ROR1: variants seen among roughly 807,000 people sequenced by gnomAD.
ROR1 encodes the protein inactive tyrosine-protein kinase transmembrane receptor ROR1.
ROR1 carries 19 observed loss-of-function variants against 78.8 expected under a neutral mutation model. That is an observed-to-expected ratio of 0.24 (90% CI 0.17 to 0.35). The LOEUF (loss-of-function observed/expected upper bound fraction) is 0.35. Among genes scored for constraint, ROR1 ranks in the 10% least tolerant of loss-of-function variants. The pLI is 1.00. For missense variants in ROR1, 917 were observed against 1,177.8 expected, an observed-to-expected ratio of 0.78 and a Z score of 3.24; for synonymous variants, 386 against 433.6, an observed-to-expected ratio of 0.89 and a Z score of 1.36.
intron 1 of ROR1, among the ~76,000 whole-genome samples, chr1:63,994,223 A>G (rs140932395): frequency 6.6e-6 from 1 of 152,048 alleles, no homozygotes; most frequent in East Asian, 1.9e-4. Context: ...TCTGATTGGT[A>G]GGAAATTTTG....
intron 4 of ROR1, among the ~76,000 whole-genome samples, chr1:64,130,258 GC>G (rs1648866644): frequency 6.6e-6 from 1 of 152,116 alleles, no homozygotes; most frequent in African/African-American, 2.4e-5. Context: ...TGAGTCGTTG[GC>G]CCTCTGGGTT....
At chr1:63,962,856 A>G (rs1366630553) in intron 1 of ROR1, among the ~76,000 whole-genome samples, 1 of 152,184 alleles carries the variant, frequency 6.6e-6, no homozygotes, top group Non-Finnish European at 1.5e-5. Flanking sequence ...CCGACTGGTA[A>G]CTGCGTGAAG....
chr1:63,838,980 G>C (rs1201982769), intron 1 of ROR1, among the ~76,000 whole-genome samples: 1 of 152,120 alleles, frequency 6.6e-6, no homozygotes, highest in Non-Finnish European at 1.5e-5. Context: ...GGAGCAATAG[G>C]CCATATCATA....
At chr1:64,016,733 T>TATATATATATATATATATA (rs1553151713) in intron 2 of ROR1, among the ~76,000 whole-genome samples, 7 of 140,576 alleles carry the variant, frequency 5.0e-5, no homozygotes, top group African/African-American at 1.8e-4. Context: ...TAAAATATAA[T>TATATATATATATATATATA]TATATATATA....
Position 63,787,476 on chromosome 1 carries a change from T to TTCCTGCCTTCCTG in ROR1, c.91+12968_91+12969insTCCTGCCTTCCTG, listed in dbSNP as rs1644696544. ...TTCCTTCCTTCCTTCCTTCCTTCCT[T>TTCCTGCCTTCCTG]CCTTCCTGCCTTCCTGCCTTCCTGA... On this transcript the variant is annotated intron_variant, in intron 1 of 8. Transcript: ENST00000371079. Among the ~76,000 whole-genome samples, 133 of 132,548 alleles carry TTCCTGCCTTCCTG rather than the reference T, an allele frequency of 1.0e-3. 1 individual carries two copies. The highest frequency in any genetic ancestry group is 3.8e-3 in the African/African-American group (124 of 33,008). The allele number at this position is 132,548 out of a possible 152,430, so 87.0% of individuals were successfully genotyped here.
rs1649856047 is a variant in ROR1 at position 64,158,999 on chromosome 1, A to G, written c.1193A>G (p.Glu398Gly). ...IPACDSKDSK[E>G]KNKMEILYIL... ...CACCCAGATTCAAAGGATTCCAAGG[A>G]GAAGAATAAAATGGAAATCCTGTAC... The change falls in exon 8 of 9, where the codon GAG becomes GGG. Residue 398 changes from glutamate to glycine, a missense_variant. Around this residue, in one of 3 missense-constraint regions of ROR1, gnomAD observed 835 missense variants for 1,069.8 expected, o/e 0.78. Coordinates refer to ENST00000371079, the MANE Select transcript of ROR1 (RefSeq NM_005012.4). 1.9e-6 allele frequency: 3 copies of G among 1,614,022 alleles called. No individual in the cohort carries two copies. The highest frequency in any genetic ancestry group is 2.5e-6 in the Non-Finnish European group (3 of 1,179,900).
chr1:64,007,198 C>G lies in ROR1; in HGVS notation c.92-2107C>G, dbSNP rs139403838. 2.9e-4 allele frequency among the ~76,000 whole-genome samples: 44 copies of G among 152,272 alleles called. 1 individual carries two copies. Among genetic ancestry groups the G allele is most frequent in the Admixed American group, 1.1e-3 (17 of 15,292 alleles). On this transcript the variant is annotated intron_variant, in intron 1 of 8. Coordinates refer to ENST00000371079, the MANE Select transcript of ROR1 (RefSeq NM_005012.4). ...CAATTTTTAGTGGCTACCTAGAGCA[C>G]TGTGCTTAAAGGACTCTACGACAGA...
chr1:63,879,789 A>G (rs1360105991), intron 1 of ROR1, among the ~76,000 whole-genome samples: 2 of 152,174 alleles, frequency 1.3e-5, no homozygotes, highest in East Asian at 3.9e-4. Flanking sequence ...AGAGAACAAG[A>G]AGTACCAGCA....
Position 64,123,642 on chromosome 1 carries a change from A to G in ROR1, c.483-13727A>G, listed in dbSNP as rs1200724577. Among the ~76,000 whole-genome samples the G allele has an allele frequency of 2.0e-5, 3 of 151,880 alleles. No homozygotes were observed. The East Asian group carries it at 5.8e-4, about 29-fold the overall frequency. On this transcript the variant is annotated intron_variant, in intron 4 of 8. Coordinates refer to ENST00000371079, the MANE Select transcript of ROR1 (RefSeq NM_005012.4). ...ACAAAAGTTTTACAAAGGTGAACATATGAAAAAGATGTTTAACTTTACTAA... is the reference window on the plus strand; with the variant it reads ...ACAAAAGTTTTACAAAGGTGAACATGTGAAAAAGATGTTTAACTTTACTAA...
At chr1:63,901,732 G>A (rs562610904) in intron 1 of ROR1, among the ~76,000 whole-genome samples, 2 of 151,810 alleles carry the variant, frequency 1.3e-5, no homozygotes, top group South Asian at 4.2e-4. Context: ...CTGGGGTCCA[G>A]CATAACCTAT....
At position 63,810,682 on chromosome 1, in the gene ROR1, A is replaced by G. The variant is rs1371209225; in HGVS notation, c.91+36174A>G. Among the ~76,000 whole-genome samples, 3 of 152,240 alleles carry G rather than the reference A, an allele frequency of 2.0e-5. No homozygotes were observed. The East Asian group carries it at 5.8e-4, about 29-fold the overall frequency. On this transcript the variant is annotated intron_variant, in intron 1 of 8. Transcript: ENST00000371079. ...GGAAGAAGGGAGGAAAGGGCAGACC[A>G]GATGGAGGTATCCACGTATGCAAAG... is the stretch of plus-strand genomic sequence containing the variant.
At chr1:63,992,317 C>T (rs1300513838) in intron 1 of ROR1, among the ~76,000 whole-genome samples, 1 of 152,022 alleles carries the variant, frequency 6.6e-6, no homozygotes, top group Non-Finnish European at 1.5e-5. Flanking sequence ...AAGCGATTCT[C>T]CTGCCTCAGC....
intron 3 of ROR1, among the ~76,000 whole-genome samples, chr1:64,050,394 A>G (rs573404040): frequency 6.6e-6 from 1 of 152,194 alleles, no homozygotes; most frequent in South Asian, 2.1e-4. Context: ...CACTCAGCCC[A>G]TTGGAAACTC....
At chr1:64,129,457 G>A (rs1435406668) in intron 4 of ROR1, among the ~76,000 whole-genome samples, 1 of 152,182 alleles carries the variant, frequency 6.6e-6, no homozygotes, top group Admixed American at 6.5e-5. Context: ...TGGTTTGAAT[G>A]CCTGATATTT....
At chr1:63,777,732 C>T (rs1644626167) in intron 1 of ROR1, among the ~76,000 whole-genome samples, 2 of 152,170 alleles carry the variant, frequency 1.3e-5, no homozygotes, top group Non-Finnish European at 2.9e-5. Flanking sequence ...TGATGGTGAA[C>T]ATCTACCCCA....
At chr1:64,156,519 C>A (rs1649775767) in intron 7 of ROR1, among the ~76,000 whole-genome samples, 1 of 151,972 alleles carries the variant, frequency 6.6e-6, no homozygotes, top group African/African-American at 2.4e-5. Context: ...CCATCCTGGC[C>A]AACATGGTGA....
intron 2 of ROR1, among the ~76,000 whole-genome samples, chr1:64,026,357 G>A (rs1646609527): frequency 6.6e-6 from 1 of 152,094 alleles, no homozygotes; most frequent in East Asian, 1.9e-4. Flanking sequence ...TTCTAACTTT[G>A]AGACAGACAA....
chr1:64,050,078 G>A (rs1646816626), intron 3 of ROR1, 100 bp downstream of exon 3: 3 of 1,318,056 alleles, frequency 2.3e-6, no homozygotes, highest in East Asian at 4.6e-5. Flanking sequence ...CACACTTAGT[G>A]AGAATGTACT....
intron 4 of ROR1, among the ~76,000 whole-genome samples, chr1:64,087,303 G>C (rs1200485363): frequency 6.6e-6 from 1 of 152,216 alleles, no homozygotes; most frequent in Non-Finnish European, 1.5e-5. Flanking sequence ...TGACTAGCAT[G>C]AGGAGGGTAG....
Sources: allele counts gnomAD v4.1 joint callset (sites outside exome capture counted in the v4.1 genomes callset), GRCh38; gene constraint gnomAD v4.1.1; regional missense constraint gnomAD v4.1.1; transcripts MANE v1.5; gene names NCBI Gene and HGNC (gene_info 2026-07-23, HGNC 2026-07-21).